GBP6: variants seen among roughly 807,000 people sequenced by gnomAD.
GBP6 encodes guanylate-binding protein 6.
Under a neutral mutation model 61.5 loss-of-function variants are expected in GBP6, and 54 were observed. The ratio of observed to expected loss-of-function variants is 0.88; its 90% CI spans 0.71 to 1.10. The LOEUF (loss-of-function observed/expected upper bound fraction) is 1.10. Ranked by LOEUF, GBP6 falls within the 50% of genes least tolerant of loss-of-function variation. The pLI, the probability that GBP6 is intolerant of heterozygous loss-of-function variation, is 0.00. For synonymous variants in GBP6, 255 were observed against 273.7 expected, an observed-to-expected ratio of 0.93 and a Z score of 0.67; for missense variants, 748 against 752.8, an observed-to-expected ratio of 0.99 and a Z score of 0.07.
rs769735610 is a variant in GBP6, at chr1:89,381,832, A to G, written c.1010A>G (p.Gln337Arg). 5.0e-6 allele frequency: 8 copies of G among 1,614,002 alleles called. No individual in the cohort carries two copies. In the South Asian group the frequency reaches 5.5e-5, roughly 11 times the overall value. The change falls in exon 7 of 11, where the codon CAG becomes CGG. Residue 337 changes from glutamine (Q) to arginine (R), a missense_variant. Physicochemically the swap from Gln to Arg is conservative, Grantham distance 43. Transcript: ENST00000370456. ...VQRAADYYSQ[Q>R]MAQRVKLPTD... ...AGGGCAGCTGACTACTACAGCCAGC[A>G]GATGGCCCAGCGAGTGAAGCTCCCC...
rs1412672658 is a variant in GBP6, at chr1:89,380,569, C to G, written c.809C>G (p.Ser270Cys). The G allele has an allele frequency of 6.2e-7, 1 of 1,613,836 alleles. No individual in the cohort carries two copies. Among genetic ancestry groups the G allele is most frequent in the African/African-American group, 1.3e-5 (1 of 74,924 alleles). ...KFQEQTNIFC[S>C]YIFTHARTKT... ...CAGGAACAAACAAACATTTTCTGTT[C>G]TTACATCTTCACTCATGCAAGAACC... is the stretch of plus-strand genomic sequence containing the variant. The change falls in exon 6 of 11, where the codon TCT (serine) becomes TGT (cysteine). Residue 270 changes from serine to cysteine, a missense_variant. Physicochemically the swap from Ser to Cys is moderately radical, Grantham distance 112. Transcript: ENST00000370456.
chr1:89,385,546 T>TC lies in GBP6; in HGVS notation c.*77_*78insC. On this transcript the variant is annotated 3_prime_UTR_variant, in exon 11 of 11. Coordinates refer to ENST00000370456, the MANE Select transcript of GBP6 (RefSeq NM_198460.3). ...TTTTCATTTTCATTCAGCAAGTTTTTTTTTTTTTTCAGAGTCTTACTCTGT... is the reference window on the plus strand; with the variant it reads ...TTTTCATTTTCATTCAGCAAGTTTTTCTTTTTTTTTCAGAGTCTTACTCTGT... The TC allele has an allele frequency of 6.9e-7, 1 of 1,447,408 alleles. No homozygotes were observed. The allele number at this position is 1,447,408 out of a possible 1,614,324, so 89.7% of individuals were successfully genotyped here.
intron 7 of GBP6, 91 bp downstream of exon 7, chr1:89,382,065 A>G: frequency 2.4e-6 from 3 of 1,246,796 alleles, no homozygotes; most frequent in Non-Finnish European, 3.4e-6. Context: ...CTCATCTGTC[A>G]CTGAGGAATA....
rs984875702 is a variant in GBP6, at chr1:89,382,078, T to A, written c.1152+104T>A. ...TGCTCATCTGTCACTGAGGAATAAC[T>A]TATTGTGGATTCTCATGAGGGATAG... On this transcript the variant is annotated intron_variant, in intron 7 of 10. Coordinates refer to ENST00000370456, the MANE Select transcript of GBP6 (RefSeq NM_198460.3). 8 of 1,140,986 alleles carry A rather than the reference T, an allele frequency of 7.0e-6. No individual in the cohort carries two copies. The African/African-American group carries it at 1.2e-4, about 18-fold the overall frequency. The allele number at this position is 1,140,986 out of a possible 1,614,324, so 70.7% of individuals were successfully genotyped here. A position where few individuals can be genotyped will look rare whatever the true frequency, so the allele number is the denominator to read the frequency against.
intron 1 of GBP6, among the ~76,000 whole-genome samples, chr1:89,366,051 A>G (rs1157083062): frequency 6.6e-6 from 1 of 152,234 alleles, no homozygotes. Flanking sequence ...TACTAAATTT[A>G]TGGAATTAAA....
intron 10 of GBP6, 88 bp from the exon 11 acceptor site, chr1:89,385,142 A>C: frequency 1.7e-6 from 2 of 1,194,002 alleles, no homozygotes; most frequent in South Asian, 1.6e-5. Context: ...AGTAAAATAA[A>C]GTTTCACACA....
intron 5 of GBP6, 96 bp from the exon 6 acceptor site, chr1:89,380,290 G>C: frequency 9.5e-7 from 1 of 1,054,458 alleles, no homozygotes. Flanking sequence ...AAGCATAGAA[G>C]ATGGCAAAAA....
At chr1:89,372,132 G>C (rs1652662258) in intron 3 of GBP6, among the ~76,000 whole-genome samples, 1 of 152,198 alleles carries the variant, frequency 6.6e-6, no homozygotes. Context: ...TCTTCAAGGA[G>C]AACTACAAAC....
At chr1:89,371,509 A>G (rs183032712) in intron 3 of GBP6, among the ~76,000 whole-genome samples, 149 of 152,354 alleles carry the variant, frequency 9.8e-4, no homozygotes, top group African/African-American at 3.5e-3. Context: ...CTGGTTCAAC[A>G]TATGCAAATC....
At chr1:89,384,318 C>T (rs768453782) in intron 10 of GBP6, 32 bp downstream of exon 10, 17 of 1,546,476 alleles carry the variant, frequency 1.1e-5, no homozygotes, top group Middle Eastern at 2.1e-4. Context: ...GCAGGCCAGA[C>T]GGTCCTCACC....
rs1653174479 is a variant in GBP6 at position 89,387,525 on chromosome 1, A to T, written c.*2056A>T. On this transcript the variant is annotated 3_prime_UTR_variant, in exon 11 of 11. Coordinates refer to ENST00000370456, the MANE Select transcript of GBP6 (RefSeq NM_198460.3). Reference sequence around the variant, plus strand: ...AATAAGCTTCTTTTATAAAAACAATAGGCTGATGCATGGGTGATTATTTTC... The same window carrying T: ...AATAAGCTTCTTTTATAAAAACAATTGGCTGATGCATGGGTGATTATTTTC... Among the ~76,000 whole-genome samples the T allele has an allele frequency of 6.6e-6, 1 of 152,252 alleles. No individual in the cohort carries two copies. Among genetic ancestry groups the T allele is most frequent in the South Asian group, 2.1e-4 (1 of 4,834 alleles).
chr1:89,384,851 C>A (rs1365317146), intron 10 of GBP6, among the ~76,000 whole-genome samples: 1 of 152,134 alleles, frequency 6.6e-6, no homozygotes, highest in Non-Finnish European at 1.5e-5. Flanking sequence ...TCTGAAAGTT[C>A]TCTCATAAGG....
chr1:89,370,818 C>G (rs1008559388), intron 3 of GBP6, among the ~76,000 whole-genome samples: 1 of 152,132 alleles, frequency 6.6e-6, no homozygotes, highest in African/African-American at 2.4e-5. Flanking sequence ...TTTCTATGCT[C>G]TCTTTTTATT....
chr1:89,381,736 G>T lies in GBP6; in HGVS notation c.914G>T (p.Ser305Ile). ...LAVTYVEAIN[S>I]GAVPCLENAV... Reference sequence around the variant, plus strand: ...GTGACTTATGTAGAGGCCATCAACAGTGGAGCAGTGCCTTGTCTGGAGAAT... The same window carrying T: ...GTGACTTATGTAGAGGCCATCAACATTGGAGCAGTGCCTTGTCTGGAGAAT... Residue 305 changes from serine (S) to isoleucine (I), a missense_variant, in exon 7 of 11, where the codon AGT becomes ATT. By Grantham distance (142) the Ser-to-Ile change is moderately radical. Transcript: ENST00000370456. 6.2e-7 allele frequency: 1 copy of T among 1,614,126 alleles called. No individual in the cohort carries two copies. Among genetic ancestry groups the T allele is most frequent in the South Asian group, 1.1e-5 (1 of 91,080 alleles).
intron 1 of GBP6, among the ~76,000 whole-genome samples, chr1:89,364,667 T>C (rs973611294): frequency 5.5e-4 from 8 of 14,668 alleles, no homozygotes; most frequent in Admixed American, 4.7e-3. Context: ...GGGGAGGGGG[T>C]GGGGGAGGAG....
chr1:89,381,764 A>G lies in GBP6; in HGVS notation c.942A>G (p.Ala314=), dbSNP rs759556307. The change falls in exon 7 of 11, where the codon GCA becomes GCG. Residue 314 remains alanine, a synonymous_variant. Transcript: ENST00000370456. The part of the protein sequence containing the change: ...NSGAVPCLEN[A]VITLAQRENS... ...GAGCAGTGCCTTGTCTGGAGAATGCAGTGATAACTCTGGCCCAGCGTGAGA... is the reference window on the plus strand; with the variant it reads ...GAGCAGTGCCTTGTCTGGAGAATGCGGTGATAACTCTGGCCCAGCGTGAGA... 3.7e-6 allele frequency: 6 copies of G among 1,614,158 alleles called. No individual in the cohort carries two copies. The highest frequency in any genetic ancestry group is 4.2e-6 in the Non-Finnish European group (5 of 1,180,016).
chr1:89,383,428 G>A (rs1653044053), intron 8 of GBP6, among the ~76,000 whole-genome samples: 1 of 152,160 alleles, frequency 6.6e-6, no homozygotes, highest in Non-Finnish European at 1.5e-5. Flanking sequence ...CCCAAAACGG[G>A]TACAGGGAGA....
intron 8 of GBP6, 102 bp downstream of exon 8, chr1:89,382,978 T>G (rs1653025667): frequency 1.4e-6 from 1 of 691,846 alleles, no homozygotes; most frequent in East Asian, 2.6e-5. Context: ...GCATAACGCC[T>G]TAGCTTTCAA....
rs183366164 is a variant in GBP6, at chr1:89,377,058, C to T, written c.319-1045C>T. Among the ~76,000 whole-genome samples the T allele has an allele frequency of 4.6e-5, 7 of 152,250 alleles. No homozygotes were observed. In the East Asian group the frequency reaches 1.2e-3, roughly 25 times the overall value. ...CTACCTCCAAAATCCCATATAGAAT[C>T]TCCTGGAATTATGTAGAAATCTCTA... On this transcript the variant is annotated intron_variant, in intron 3 of 10. Transcript: ENST00000370456.
Sources: allele counts gnomAD v4.1 joint callset (sites outside exome capture counted in the v4.1 genomes callset), GRCh38; gene constraint gnomAD v4.1.1; transcripts MANE v1.5; gene names NCBI Gene and HGNC (gene_info 2026-07-23, HGNC 2026-07-21).